PLEKHG7: variants seen among roughly 807,000 people sequenced by gnomAD.
PLEKHG7 encodes the protein pleckstrin homology domain-containing family G member 7.
In PLEKHG7, 77 loss-of-function variants were observed where a neutral mutation model predicts 85.2. The observed-to-expected ratio is 0.90, with a 90% confidence interval of 0.75 to 1.09. The LOEUF (loss-of-function observed/expected upper bound fraction) is 1.09, where lower values mean the gene tolerates loss of function less well. PLEKHG7 is among the 50% of genes least tolerant of loss of function. PLEKHG7 has a pLI of 0.00. For synonymous variants in PLEKHG7, 301 were observed against 302.4 expected (o/e 1.00, Z 0.05); for missense variants, 777 against 804.3 (o/e 0.97, Z 0.41).
intron 3 of PLEKHG7, among the ~76,000 whole-genome samples, chr12:92,715,837 T>C (rs958612855): frequency 6.6e-6 from 1 of 152,186 alleles, no homozygotes; most frequent in Non-Finnish European, 1.5e-5. Context: ...CCCACTCATT[T>C]GTGCATTGCC....
chr12:92,756,422 C>G (rs763036728), intron 13 of PLEKHG7, 31 bp downstream of exon 13: 1 of 1,505,200 alleles, frequency 6.6e-7, no homozygotes, highest in Non-Finnish European at 9.2e-7. Context: ...AAAAACCCAA[C>G]ATCTGTGCCG....
At position 92,706,911 on chromosome 12, in the gene PLEKHG7, G is replaced by A. The variant is rs750508475; in HGVS notation, c.280G>A (p.Asp94Asn). 1 of 1,613,982 alleles carries A rather than the reference G, an allele frequency of 6.2e-7. No homozygotes were observed. Among genetic ancestry groups the A allele is most frequent in the Non-Finnish European group, 8.5e-7 (1 of 1,180,030 alleles). Reference sequence around the variant, plus strand: ...GAAGAGCCTGCCAGGAAGCCCAAAGGATTCTTCACACTTGCTGTCACCCTT... The same window carrying A: ...GAAGAGCCTGCCAGGAAGCCCAAAGAATTCTTCACACTTGCTGTCACCCTT... ...LSKSLPGSPK[D>N]SSHLLSPLRL... Residue 94 changes from aspartate to asparagine, a missense_variant, in exon 2 of 17, where the codon GAT (aspartate) becomes AAT (asparagine). By Grantham distance (23) the Asp-to-Asn change is conservative. Around this residue, in one of 3 missense-constraint regions of PLEKHG7, gnomAD observed 252 missense variants for 241.9 expected, o/e 1.04. Transcript: ENST00000344636.
At chr12:92,729,285 G>A (rs781563300) in intron 4 of PLEKHG7, among the ~76,000 whole-genome samples, 165 bp downstream of exon 4, 21 of 151,648 alleles carry the variant, frequency 1.4e-4, no homozygotes, top group South Asian at 2.1e-4. Flanking sequence ...CTGGAATTAC[G>A]GGAACCAGCT....
At chr12:92,750,991 C>G (rs1216815352) in intron 10 of PLEKHG7, among the ~76,000 whole-genome samples, 3 of 152,068 alleles carry the variant, frequency 2.0e-5, no homozygotes, top group Non-Finnish European at 4.4e-5. Context: ...AAATTCTAAT[C>G]CCATTAATAT....
At chr12:92,705,940 T>C (rs1008525649) in intron 1 of PLEKHG7, among the ~76,000 whole-genome samples, 6 of 152,210 alleles carry the variant, frequency 3.9e-5, no homozygotes, top group Non-Finnish European at 7.3e-5. Flanking sequence ...CAAGTCCTTT[T>C]TCCAAAATGT....
At chr12:92,761,652 AAGAAAG>A (rs1192769231) in intron 13 of PLEKHG7, 94 bp from the exon 14 acceptor site, 7 of 1,180,316 alleles carry the variant, frequency 5.9e-6, no homozygotes, top group African/African-American at 1.7e-5. Context: ...GAAAGAAAGA[AAGAAAG>A]AAAGAAAGAA....
rs200466052 is a variant in PLEKHG7, at chr12:92,741,511, C to T, written c.1056C>T (p.Asn352=). 48 of 1,610,266 alleles carry T rather than the reference C, an allele frequency of 3.0e-5. No individual in the cohort carries two copies. The East Asian group carries it at 1.1e-3, about 36-fold the overall frequency. Residue 352 remains asparagine, a synonymous_variant, in exon 9 of 17, where the codon AAC becomes AAT. Transcript: ENST00000344636. ...ELTQTSLGFV[N]SLFGIIKDYV... ...CCTAGACAAGCCTTGGTTTTGTGAA[C>T]AGTCTCTTTGGCATCATCAAGGACT...
At chr12:92,719,505 G>A (rs958120225) in intron 3 of PLEKHG7, among the ~76,000 whole-genome samples, 3 of 152,156 alleles carry the variant, frequency 2.0e-5, no homozygotes, top group African/African-American at 7.2e-5. Context: ...GGCCTGATAA[G>A]GCTGCCTGAT....
chr12:92,717,940 G>A (rs923612534), intron 3 of PLEKHG7, among the ~76,000 whole-genome samples: 1 of 152,146 alleles, frequency 6.6e-6, no homozygotes, highest in South Asian at 2.1e-4. Context: ...TATTCTTAGA[G>A]AAACCATTCA....
Position 92,729,571 on chromosome 12 carries a change from G to A in PLEKHG7, c.658+451G>A, listed in dbSNP as rs75642049. ...AGGCAGAGGTGCCGGTGGCAGATGA[G>A]TGTCTGATAGACAGGCAGCTTTAGG... On this transcript the variant is annotated intron_variant, in intron 4 of 16. Transcript: ENST00000344636. 9.0e-3 allele frequency among the ~76,000 whole-genome samples: 1,364 copies of A among 152,026 alleles called. 20 individuals carry two copies. Among genetic ancestry groups the A allele is most frequent in the African/African-American group, 0.028 (1,165 of 41,446 alleles).
chr12:92,764,157 A>G lies in PLEKHG7; in HGVS notation c.1833A>G (p.Arg611=). The G allele has an allele frequency of 6.2e-7, 1 of 1,607,600 alleles. No individual in the cohort carries two copies. Among genetic ancestry groups the G allele is most frequent in the Non-Finnish European group, 8.5e-7 (1 of 1,176,608 alleles). ...TCGATCAGCCTATTCCACTAGATAG[A>G]TTGGTAGTCAAAAGTATTGAACCAC... ...TVLDQPIPLD[R]LVVKSIEPLH... is the part of the protein sequence containing the mutation. Residue 611 remains arginine (R), a synonymous_variant, in exon 15 of 17, where the codon AGA becomes AGG. Transcript: ENST00000344636.
At chr12:92,749,998 T>C (rs981033081) in intron 10 of PLEKHG7, among the ~76,000 whole-genome samples, 1 of 133,290 alleles carries the variant, frequency 7.5e-6, no homozygotes, top group Non-Finnish European at 1.5e-5. Flanking sequence ...TATTTTATTT[T>C]ATTATTTTAT....
chr12:92,763,033 A>C (rs1357613222), intron 14 of PLEKHG7, among the ~76,000 whole-genome samples: 1 of 152,216 alleles, frequency 6.6e-6, no homozygotes, highest in African/African-American at 2.4e-5. Flanking sequence ...CTTCAAAAAA[A>C]ACCTTGATGC....
At chr12:92,735,736 A>G (rs774892983) in intron 5 of PLEKHG7, among the ~76,000 whole-genome samples, 6 of 152,236 alleles carry the variant, frequency 3.9e-5, no homozygotes, top group Admixed American at 6.5e-5. Flanking sequence ...AGCAAGTTGC[A>G]AAAGGATGTG....
At chr12:92,709,094 T>C (rs746374438) in intron 3 of PLEKHG7, among the ~76,000 whole-genome samples, 2 of 152,216 alleles carry the variant, frequency 1.3e-5, no homozygotes, top group Non-Finnish European at 2.9e-5. Flanking sequence ...GTGAAACCAT[T>C]TGATGAATTG....
At chr12:92,723,420 T>C (rs1871700837) in intron 3 of PLEKHG7, among the ~76,000 whole-genome samples, 1 of 152,216 alleles carries the variant, frequency 6.6e-6, no homozygotes, top group Admixed American at 6.5e-5. Context: ...GATTAAGTTC[T>C]AAATTAGCAC....
chr12:92,764,294 A>T, intron 15 of PLEKHG7, 100 bp downstream of exon 15: 1 of 1,240,522 alleles, frequency 8.1e-7, no homozygotes, highest in Non-Finnish European at 1.1e-6. Context: ...TCAAGTCTTC[A>T]TAAAAACAAG....
At chr12:92,736,458 C>G in intron 5 of PLEKHG7, 24 bp from the exon 6 acceptor site, 1 of 1,206,830 alleles carries the variant, frequency 8.3e-7, no homozygotes, top group Non-Finnish European at 1.0e-6. Context: ...TTTGAAAATC[C>G]TGTTTCTAAC....
At chr12:92,705,548 T>C (rs1040958841) in intron 1 of PLEKHG7, among the ~76,000 whole-genome samples, 2 of 152,258 alleles carry the variant, frequency 1.3e-5, no homozygotes, top group Admixed American at 6.5e-5. Flanking sequence ...TCTTGGAATA[T>C]ACGGTCAACT....
Sources: allele counts gnomAD v4.1 joint callset (sites outside exome capture counted in the v4.1 genomes callset), GRCh38; gene constraint gnomAD v4.1.1; regional missense constraint gnomAD v4.1.1; transcripts MANE v1.5; gene names NCBI Gene and HGNC (gene_info 2026-07-23, HGNC 2026-07-21).